Variants in PKD1L1 observed in about 807,000 individuals in gnomAD.
PKD1L1 encodes polycystin-1-like protein 1.
A neutral mutation model predicts 323.4 loss-of-function variants in PKD1L1; 236 were observed. The ratio of observed to expected loss-of-function variants is 0.73; its 90% CI spans 0.66 to 0.81. PKD1L1 has a LOEUF of 0.81. Ranked by LOEUF, PKD1L1 falls within the 40% of genes least tolerant of loss-of-function variation. The pLI is 0.00. For synonymous variants in PKD1L1, 1,344 were observed against 1,335.0 expected (o/e 1.01, Z -0.15); for missense variants, 3,320 against 3,508.0 (o/e 0.95, Z 1.35).
chr7:47,880,645 C>T (rs1786532240), intron 21 of PKD1L1, 83 bp downstream of exon 21: 3 of 1,100,432 alleles, frequency 2.7e-6, no homozygotes, highest in African/African-American at 3.3e-5. Flanking sequence ...AGACCTGCAC[C>T]CCATTCCTTA....
intron 21 of PKD1L1, among the ~76,000 whole-genome samples, chr7:47,879,193 C>T (rs1247696371): frequency 6.6e-6 from 1 of 152,294 alleles, no homozygotes; most frequent in East Asian, 1.9e-4. Context: ...TTGAGCCCAG[C>T]CCAGCCAGTT....
chr7:47,855,590 A>T (rs1032754010), intron 28 of PKD1L1, among the ~76,000 whole-genome samples: 1 of 142,828 alleles, frequency 7.0e-6, no homozygotes, highest in Non-Finnish European at 1.5e-5. Context: ...TATATGCAAG[A>T]GTGGGGCCGG....
intron 32 of PKD1L1, 22 bp downstream of exon 32, chr7:47,846,857 T>A (rs1427027439): frequency 6.3e-7 from 1 of 1,582,696 alleles, no homozygotes; most frequent in African/African-American, 1.4e-5. Flanking sequence ...AATCTCAGAT[T>A]CTTTCTCAAA....
intron 26 of PKD1L1, among the ~76,000 whole-genome samples, chr7:47,864,109 G>A (rs1019782148): frequency 6.6e-6 from 1 of 152,158 alleles, no homozygotes; most frequent in Admixed American, 6.5e-5. Flanking sequence ...AGAAGGCAAG[G>A]TGGGCAGGAG....
In PKD1L1 at chr7:47,855,229, A is replaced by T; in HGVS notation, c.4627T>A (p.Ser1543Thr). ...TGCCTGTTGATGGGTCTTCTGCTGG[A>T]GCAGGTATAGAGGTTGAGGCCCACA... ...GVVGLNLYTC[S>T]SRRPINRQWL... Residue 1543 changes from serine (S) to threonine (T), a missense_variant, in exon 29 of 57, where the codon TCC becomes ACC. Ser to Thr is a moderately conservative substitution (Grantham distance 58, BLOSUM62 1). Transcript: ENST00000289672. 6.2e-7 allele frequency: 1 copy of T among 1,614,168 alleles called. No individual in the cohort carries two copies.
chr7:47,865,522 C>G (rs764767335), intron 25 of PKD1L1, among the ~76,000 whole-genome samples: 10 of 146,908 alleles, frequency 6.8e-5, no homozygotes, highest in Non-Finnish European at 1.4e-4. Flanking sequence ...GGAACTGACA[C>G]GAGGGCTGAT....
chr7:47,891,173 T>C (rs956002168), intron 15 of PKD1L1, among the ~76,000 whole-genome samples: 1 of 152,214 alleles, frequency 6.6e-6, no homozygotes, highest in African/African-American at 2.4e-5. Context: ...AAGAATGCTA[T>C]GTGAGCCCAG....
At chr7:47,790,180 C>T (rs562642596) in intron 56 of PKD1L1, among the ~76,000 whole-genome samples, 39 of 152,028 alleles carry the variant, frequency 2.6e-4, no homozygotes, top group African/African-American at 8.9e-4. Context: ...TGAGCCACTG[C>T]GCCTGACCCA....
chr7:47,833,046 G>C, intron 41 of PKD1L1, 44 bp downstream of exon 41: 1 of 1,577,528 alleles, frequency 6.3e-7, no homozygotes, highest in Non-Finnish European at 8.6e-7. Context: ...CTGCAGGTCT[G>C]CTGGACTGGC....
chr7:47,939,396 T>C (rs149204042), intron 3 of PKD1L1, among the ~76,000 whole-genome samples: 102 of 152,320 alleles, frequency 6.7e-4, no homozygotes, highest in African/African-American at 2.4e-3. Flanking sequence ...CTGGCTTCTT[T>C]AAATTTGAAC....
At position 47,831,302 on chromosome 7, in the gene PKD1L1, G is replaced by T; in HGVS notation, c.6388C>A (p.Gln2130Lys). ...CACACTGCAGAGCTCCACCAAGGCTGAAGGGCCCTTGACCACTGGGGCATT... is the reference window on the plus strand; with the variant it reads ...CACACTGCAGAGCTCCACCAAGGCTTAAGGGCCCTTGACCACTGGGGCATT... The part of the protein sequence containing the change: ...GLMPQWSRAL[Q>K]PWWSSAVWAI... The change falls in exon 42 of 57, where the codon CAG (glutamine) becomes AAG (lysine). Residue 2130 changes from glutamine to lysine, a missense_variant. Transcript: ENST00000289672. The T allele has an allele frequency of 6.2e-7, 1 of 1,614,178 alleles. No individual in the cohort carries two copies. Among genetic ancestry groups the T allele is most frequent in the Admixed American group, 1.7e-5 (1 of 60,018 alleles).
chr7:47,819,801 C>A, intron 46 of PKD1L1: 1 of 242,396 alleles, frequency 4.1e-6, no homozygotes. Flanking sequence ...AACCCTCTCT[C>A]ACAAAAATAA....
intron 14 of PKD1L1, among the ~76,000 whole-genome samples, 155 bp from the exon 15 acceptor site, chr7:47,894,214 C>G (rs1786888016): frequency 6.6e-6 from 1 of 152,218 alleles, no homozygotes; most frequent in Admixed American, 6.5e-5. Context: ...AATAACCACT[C>G]TACTGTACGA....
At position 47,931,942 on chromosome 7, in the gene PKD1L1, A is replaced by G; in HGVS notation, c.513T>C (p.Leu171=). ...TGTADSTFSA[L]LQLQGTTSAA... is the part of the protein sequence containing the mutation. The stretch of plus-strand genomic sequence containing the variant: ...GCAGGGGTTAGATACCAACCTGGAG[A>G]AGAGCAGAGAATGTGCTGTCTGCGG... The change falls in exon 5 of 57, where the codon CTT becomes CTC. Residue 171 remains leucine (L), a synonymous_variant. Coordinates refer to ENST00000289672, the MANE Select transcript of PKD1L1 (RefSeq NM_138295.5). The G allele has an allele frequency of 6.2e-7, 1 of 1,611,488 alleles. No homozygotes were observed. Among genetic ancestry groups the G allele is most frequent in the Non-Finnish European group, 8.5e-7 (1 of 1,178,618 alleles).
chr7:47,904,695 T>A, intron 11 of PKD1L1, 78 bp from the exon 12 acceptor site: 1 of 1,496,090 alleles, frequency 6.7e-7, no homozygotes, highest in Non-Finnish European at 9.0e-7. Context: ...AACCGTCTGC[T>A]ATACTTTAAG....
intron 54 of PKD1L1, among the ~76,000 whole-genome samples, chr7:47,800,175 T>C (rs1385264750): frequency 6.6e-6 from 1 of 152,230 alleles, no homozygotes; most frequent in Non-Finnish European, 1.5e-5. Flanking sequence ...TGACTAGATT[T>C]GCCAGTGGCA....
rs181203108 is a variant in PKD1L1, at chr7:47,927,015, G to A, written c.1060+2189C>T. ...ATGGAATCTATAATGCAGGCTTTAT[G>A]CCAGGATATATATTCAAATGCATTC... On this transcript the variant is annotated intron_variant, in intron 7 of 56. Coordinates refer to ENST00000289672, the MANE Select transcript of PKD1L1 (RefSeq NM_138295.5). Among the ~76,000 whole-genome samples the A allele has an allele frequency of 1.1e-3, 166 of 152,288 alleles. 1 individual carries two copies. The highest frequency in any genetic ancestry group is 1.8e-3 in the Non-Finnish European group (122 of 68,018).
intron 11 of PKD1L1, 51 bp from the exon 12 acceptor site, chr7:47,904,668 A>AG: frequency 6.4e-7 from 1 of 1,565,220 alleles, no homozygotes; most frequent in Non-Finnish European, 8.7e-7. Flanking sequence ...AGACAAGAAC[A>AG]GGGTCAGGTC....
chr7:47,819,551 CT>C, intron 46 of PKD1L1: 1 of 1,362,298 alleles, frequency 7.3e-7, no homozygotes, highest in Non-Finnish European at 9.8e-7. Context: ...GATAGGAGAG[CT>C]GAAAAGTTGG....
Sources: gnomAD v4.1 joint callset for allele counts (sites outside exome capture counted in the v4.1 genomes callset) on GRCh38, gnomAD v4.1.1 for gene constraint, MANE v1.5 for transcripts, NCBI Gene and HGNC (gene_info 2026-07-23, HGNC 2026-07-21) for gene names.